The following TANC2 variants were observed in gnomAD, a reference collection of about 807,000 sequenced individuals.
The protein encoded by TANC2 is tetratricopeptide repeat, ankyrin repeat and coiled-coil containing 2, also known as protein TANC2.
In TANC2, 26 loss-of-function variants were observed where a neutral mutation model predicts 210.5. That is an observed-to-expected ratio of 0.12 (90% CI 0.09 to 0.17). The LOEUF (loss-of-function observed/expected upper bound fraction) is 0.17, where lower values mean the gene tolerates loss of function less well. Among genes scored for constraint, TANC2 ranks in the 10% least tolerant of loss-of-function variants. The pLI, the probability that TANC2 is intolerant of heterozygous loss-of-function variation, is 1.00. For synonymous variants in TANC2, 931 were observed against 967.1 expected, an observed-to-expected ratio of 0.96 and a Z score of 0.69; for missense variants, 2,129 against 2,608.9, an observed-to-expected ratio of 0.82 and a Z score of 4.01.
At chr17:63,237,870 A>G (rs1161108951) in exon 8 of TANC2, 5 of 1,558,216 alleles carry the variant, frequency 3.2e-6, no homozygotes, top group Admixed American at 1.9e-5. Flanking sequence ...TGGGGAAAGC[A>G]GTAAAGAATT....
chr17:63,098,484 A>T (rs867954402), intron 3 of TANC2, among the ~76,000 whole-genome samples: 9,978 of 72,136 alleles, frequency 0.14, 813 homozygotes, highest in African/African-American at 0.34. Context: ...ACACACATAC[A>T]CTCTCTCTCT....
At chr17:63,396,069 T>A in intron 18 of TANC2, 141 bp downstream of exon 18, 1 of 783,544 alleles carries the variant, frequency 1.3e-6, no homozygotes, top group Non-Finnish European at 2.0e-6. Context: ...ATAAGGAGAT[T>A]AAACTCCATG....
At chr17:63,206,884 A>C (rs1438579746) in intron 7 of TANC2, among the ~76,000 whole-genome samples, 1 of 152,242 alleles carries the variant, frequency 6.6e-6, no homozygotes. Flanking sequence ...TATGTCGTGT[A>C]TATTTTACCA....
intron 1 of TANC2, among the ~76,000 whole-genome samples, chr17:62,984,172 C>T (rs533018182): frequency 1.3e-5 from 2 of 152,056 alleles, no homozygotes; most frequent in East Asian, 1.9e-4. Flanking sequence ...GCTTGTTGGT[C>T]TGTTGAAGTT....
intron 9 of TANC2, among the ~76,000 whole-genome samples, chr17:63,269,201 A>C (rs1268336531): frequency 6.6e-6 from 1 of 152,150 alleles, no homozygotes; most frequent in Non-Finnish European, 1.5e-5. Context: ...CATCAACAGC[A>C]GTTAGTTGAT....
intron 2 of TANC2, among the ~76,000 whole-genome samples, chr17:63,071,967 G>T (rs1283937019): frequency 6.6e-6 from 1 of 152,128 alleles, no homozygotes; most frequent in Non-Finnish European, 1.5e-5. Flanking sequence ...TTGGATTTCA[G>T]TTAGTCACCA....
chr17:63,394,419 C>T (rs1038334386), intron 17 of TANC2, among the ~76,000 whole-genome samples: 4 of 152,148 alleles, frequency 2.6e-5, no homozygotes, highest in Admixed American at 6.5e-5. Flanking sequence ...CATCTCTTAC[C>T]CCAGTCCTGG....
At chr17:63,315,821 A>T (rs1598839241) in intron 10 of TANC2, among the ~76,000 whole-genome samples, 1 of 152,212 alleles carries the variant, frequency 6.6e-6, no homozygotes, top group African/African-American at 2.4e-5. Flanking sequence ...TGATAAACTT[A>T]TGGATGTCTA....
At chr17:63,348,596 T>C (rs2046491663) in intron 12 of TANC2, among the ~76,000 whole-genome samples, 1 of 152,236 alleles carries the variant, frequency 6.6e-6, no homozygotes, top group Non-Finnish European at 1.5e-5. Flanking sequence ...GATTAGATAA[T>C]GTCCCTCCTA....
chr17:63,359,869 A>G (rs2046907073), intron 14 of TANC2, among the ~76,000 whole-genome samples: 1 of 152,200 alleles, frequency 6.6e-6, no homozygotes, highest in Non-Finnish European at 1.5e-5. Flanking sequence ...TACCTATACC[A>G]TGGGATAGTT....
rs1173984169 is a variant in TANC2, at chr17:63,055,983, AAAAAAAAATATATAT to A, written c.68-17958_68-17944del. Among the ~76,000 whole-genome samples the A allele has an allele frequency of 2.5e-3, 55 of 22,206 alleles. 1 individual carries two copies. Among genetic ancestry groups the A allele is most frequent in the African/African-American group, 5.4e-3 (51 of 9,486 alleles). 14.6% of individuals were successfully genotyped at this position (22,206 alleles called of 152,430 possible). A position where few individuals can be genotyped will look rare whatever the true frequency, so the allele number is the denominator to read the frequency against. On this transcript the variant is annotated intron_variant, in intron 2 of 27. Transcript: ENST00000689528. ...TCTCTACCAAAAAAAAAAAAAAAAA[AAAAAAAAATATATAT>A]ATATATATATATATATATATATATA...
At chr17:62,981,508 A>G (rs1349251254) in intron 1 of TANC2, among the ~76,000 whole-genome samples, 1 of 152,118 alleles carries the variant, frequency 6.6e-6, no homozygotes, top group African/African-American at 2.4e-5. Context: ...CTTCCCTGAA[A>G]GTCTCTAGCT....
chr17:63,059,028 G>C (rs1361303337), intron 2 of TANC2, among the ~76,000 whole-genome samples: 1 of 152,110 alleles, frequency 6.6e-6, no homozygotes, highest in Admixed American at 6.5e-5. Flanking sequence ...ATTGCTTTGG[G>C]CAGTATAGCC....
intron 7 of TANC2, among the ~76,000 whole-genome samples, chr17:63,215,261 A>G (rs1057452710): frequency 3.3e-5 from 5 of 152,224 alleles, no homozygotes; most frequent in African/African-American, 9.6e-5. Flanking sequence ...TAGAGAACCA[A>G]TTAACATATA....
rs187364356 is a variant in TANC2, at chr17:63,402,439, C to A, written c.3332-2683C>A. 1.9e-3 allele frequency among the ~76,000 whole-genome samples: 285 copies of A among 152,300 alleles called. 1 individual carries two copies. Among genetic ancestry groups the A allele is most frequent in the African/African-American group, 6.6e-3 (274 of 41,560 alleles). On this transcript the variant is annotated intron_variant, in intron 19 of 27. Coordinates refer to ENST00000689528, the Ensembl canonical transcript of TANC2. ...AGCTCAATAAGTGTTTTATTAATGT[C>A]ATTTTGAATAGCAGTGATCAGTTTA...
chr17:63,381,213 A>G (rs2047597894), intron 15 of TANC2: 1 of 152,194 alleles, frequency 6.6e-6, no homozygotes, highest in Admixed American at 6.5e-5. Flanking sequence ...TATCCCATAC[A>G]TGGAAACGTA....
chr17:63,045,717 T>C (rs12950200), intron 2 of TANC2, among the ~76,000 whole-genome samples: 1,618 of 152,302 alleles, frequency 0.011, 18 homozygotes, highest in Non-Finnish European at 0.019. Context: ...ATCCCAGCTT[T>C]CTCATGTACT....
At chr17:63,046,459 G>A (rs958792838) in intron 2 of TANC2, among the ~76,000 whole-genome samples, 2 of 148,216 alleles carry the variant, frequency 1.3e-5, no homozygotes, top group African/African-American at 5.0e-5. Flanking sequence ...AGCCTCCCGA[G>A]TAGCTGAGAT....
chr17:63,209,514 A>G (rs2041822150), intron 7 of TANC2, among the ~76,000 whole-genome samples: 2 of 151,592 alleles, frequency 1.3e-5, no homozygotes, highest in African/African-American at 4.9e-5. Flanking sequence ...GTTTGCTGCA[A>G]CCTCCACCTC....
Sources: gnomAD v4.1 joint callset for allele counts (sites outside exome capture counted in the v4.1 genomes callset) on GRCh38, gnomAD v4.1.1 for gene constraint, MANE v1.5 for transcripts, NCBI Gene and HGNC (gene_info 2026-07-23, HGNC 2026-07-21) for gene names.